The following SMARCAD1 variants were observed in gnomAD, a reference collection of about 807,000 sequenced individuals.
SMARCAD1 encodes SWI/SNF-related matrix-associated actin-dependent regulator of chromatin subfamily A containing DEAD/H box 1.
SMARCAD1 carries 25 observed loss-of-function variants against 127.1 expected under a neutral mutation model. The ratio of observed to expected loss-of-function variants is 0.20; its 90% CI spans 0.14 to 0.27. The LOEUF (loss-of-function observed/expected upper bound fraction) is 0.27. Among genes scored for constraint, SMARCAD1 ranks in the 10% least tolerant of loss-of-function variants. The pLI is 1.00. For synonymous variants in SMARCAD1, 400 were observed against 396.9 expected (o/e 1.01, Z -0.09); for missense variants, 807 against 1,206.0 (o/e 0.67, Z 4.90).
chr4:94,278,678 G>A lies in SMARCAD1; in HGVS notation c.2241G>A (p.Gln747=), dbSNP rs149382511. 22 of 1,613,856 alleles carry A rather than the reference G, an allele frequency of 1.4e-5. No individual in the cohort carries two copies. In the African/African-American group the frequency reaches 2.4e-4, roughly 18 times the overall value. ...RIELCAMSEK[Q]EQLYLGLFNR... is the part of the protein sequence containing the mutation. ...AGTTGTGTGCAATGTCGGAGAAGCA[G>A]GAGCAACTCTATTTGGGTCTTTTCA... Residue 747 remains glutamine (Q), a synonymous_variant, in exon 18 of 24, where the codon CAG becomes CAA. Coordinates refer to ENST00000354268, the MANE Select transcript of SMARCAD1 (RefSeq NM_020159.5).
intron 12 of SMARCAD1, 138 bp downstream of exon 12, chr4:94,273,854 T>A (rs990905923): frequency 5.8e-6 from 4 of 691,946 alleles, no homozygotes; most frequent in Non-Finnish European, 1.0e-5. Flanking sequence ...TATGGTCTCT[T>A]TATACTTTTC....
intron 2 of SMARCAD1, among the ~76,000 whole-genome samples, chr4:94,216,587 A>T (rs1241441950): frequency 6.6e-6 from 1 of 152,176 alleles, no homozygotes; most frequent in Non-Finnish European, 1.5e-5. Flanking sequence ...GTGAAACTGA[A>T]ACTCTTTATG....
intron 9 of SMARCAD1, among the ~76,000 whole-genome samples, chr4:94,255,454 TTGAA>T (rs1396789871): frequency 1.3e-5 from 2 of 151,988 alleles, no homozygotes; most frequent in African/African-American, 2.4e-5. Context: ...TAAAAGTAAT[TTGAA>T]TGTGAAAATT....
rs1325228347 is a variant in SMARCAD1 at position 94,284,282 on chromosome 4, G to A, written c.2910-678G>A. Among the ~76,000 whole-genome samples, 9 of 117,116 alleles carry A rather than the reference G, an allele frequency of 7.7e-5. No homozygotes were observed. In the East Asian group the frequency reaches 7.9e-4, roughly 10 times the overall value. The allele number at this position is 117,116 out of a possible 152,430, so 76.8% of individuals were successfully genotyped here. A position where few individuals can be genotyped will look rare whatever the true frequency, so the allele number is the denominator to read the frequency against. ...GCGGAGCTTGCAGTGAGCCGCGATCGCACCACTGCACTCCAGCCTGGGTGA... is the reference window on the plus strand; with the variant it reads ...GCGGAGCTTGCAGTGAGCCGCGATCACACCACTGCACTCCAGCCTGGGTGA... On this transcript the variant is annotated intron_variant, in intron 22 of 23. Coordinates refer to ENST00000354268, the MANE Select transcript of SMARCAD1 (RefSeq NM_020159.5).
At chr4:94,221,842 A>G (rs1744188698) in intron 2 of SMARCAD1, among the ~76,000 whole-genome samples, 1 of 152,194 alleles carries the variant, frequency 6.6e-6, no homozygotes, top group Non-Finnish European at 1.5e-5. Flanking sequence ...GATCTACCCG[A>G]GAGAAATCAG....
intron 9 of SMARCAD1, 168 bp downstream of exon 9, chr4:94,253,175 AT>A: frequency 6.6e-7 from 1 of 1,504,792 alleles, no homozygotes; most frequent in East Asian, 2.4e-5. Flanking sequence ...AAATAGTGTC[AT>A]ATGACCTAAT....
intron 9 of SMARCAD1, among the ~76,000 whole-genome samples, chr4:94,263,678 ATTAC>A (rs1337475561): frequency 6.6e-6 from 1 of 152,028 alleles, no homozygotes; most frequent in Non-Finnish European, 1.5e-5. Context: ...GATCACAGTG[ATTAC>A]TTAGAGTTGT....
At chr4:94,276,908 A>G in intron 15 of SMARCAD1, 114 bp from the exon 16 acceptor site, 1 of 1,079,036 alleles carries the variant, frequency 9.3e-7, no homozygotes, top group Non-Finnish European at 1.4e-6. Context: ...ATGTTAAATT[A>G]TTAATAATGG....
intron 11 of SMARCAD1, among the ~76,000 whole-genome samples, chr4:94,273,061 G>A (rs771851922): frequency 3.3e-5 from 5 of 151,984 alleles, no homozygotes; most frequent in East Asian, 3.9e-4. Context: ...CCACCTCAGC[G>A]TCCCCAAGTT....
chr4:94,283,368 A>G (rs1039156866), intron 22 of SMARCAD1, 65 bp downstream of exon 22: 9 of 1,506,772 alleles, frequency 6.0e-6, no homozygotes, highest in African/African-American at 1.4e-5. Flanking sequence ...AGACCATTAG[A>G]ATATAGTGTT....
rs1349376154 is a variant in SMARCAD1 at position 94,253,049 on chromosome 4, A to G, written c.1281+42A>G. On this transcript the variant is annotated intron_variant, in intron 9 of 23. Transcript: ENST00000354268. ...TTTTTCCCCTTGTATGTGTGTGTGT[A>G]TTTAATTCACAGTACCGGTTATAGT... is the stretch of plus-strand genomic sequence containing the variant. The G allele has an allele frequency of 3.1e-6, 5 of 1,603,782 alleles. No homozygotes were observed. The South Asian group carries it at 4.4e-5, about 14-fold the overall frequency.
intron 3 of SMARCAD1, among the ~76,000 whole-genome samples, chr4:94,231,790 G>A (rs924229973): frequency 2.0e-5 from 3 of 151,828 alleles, no homozygotes; most frequent in African/African-American, 7.3e-5. Context: ...TGTTAATCTA[G>A]AATGGGCCAC....
chr4:94,290,776 TTTA>T lies in SMARCAD1; in HGVS notation c.*1247_*1249del, dbSNP rs1321404216. 1 of 428,918 alleles carries T rather than the reference TTTA, an allele frequency of 2.3e-6. No individual in the cohort carries two copies. Among genetic ancestry groups the T allele is most frequent in the Non-Finnish European group, 4.6e-6 (1 of 218,002 alleles). 26.6% of individuals were successfully genotyped at this position (428,918 alleles called of 1,614,324 possible). A position where few individuals can be genotyped will look rare whatever the true frequency, so the allele number is the denominator to read the frequency against. On this transcript the variant is annotated 3_prime_UTR_variant, in exon 24 of 24. Transcript: ENST00000354268. Reference sequence around the variant, plus strand: ...ACTTGTGAGTTCCATGTGTTTTGTTTTTATTATGTAAATATCATTATAAATAAA... The same window carrying T: ...ACTTGTGAGTTCCATGTGTTTTGTTTTTATGTAAATATCATTATAAATAAA...
chr4:94,249,173 A>G (rs1240751891), intron 6 of SMARCAD1, among the ~76,000 whole-genome samples: 1 of 152,132 alleles, frequency 6.6e-6, no homozygotes, highest in African/African-American at 2.4e-5. Context: ...TTTCAGTTTT[A>G]TGTTGTGACT....
intron 11 of SMARCAD1, 66 bp from the exon 12 acceptor site, chr4:94,273,551 T>C: frequency 1.7e-6 from 2 of 1,172,482 alleles, no homozygotes; most frequent in Middle Eastern, 2.3e-4. Context: ...CTTTTTCTTC[T>C]GTATTTTTAT....
chr4:94,234,221 T>TA (rs1746286688), intron 4 of SMARCAD1, 99 bp downstream of exon 4: 1 of 1,101,294 alleles, frequency 9.1e-7, no homozygotes, highest in Admixed American at 2.2e-5. Flanking sequence ...AAAGATATCT[T>TA]ACGTTTGAAG....
At chr4:94,245,936 A>G (rs28522293) in intron 6 of SMARCAD1, among the ~76,000 whole-genome samples, 86,441 of 151,508 alleles carry the variant, frequency 0.57, 24,798 homozygotes, top group East Asian at 0.72. Context: ...AAAACTCTCT[A>G]AAACGATTTT....
rs1269554414 is a variant in SMARCAD1, at chr4:94,290,297, C to T, written c.*763C>T. The T allele has an allele frequency of 2.2e-6, 1 of 454,352 alleles. No homozygotes were observed. Among genetic ancestry groups the T allele is most frequent in the African/African-American group, 2.0e-5 (1 of 49,990 alleles). The allele number at this position is 454,352 out of a possible 1,614,324, so 28.1% of individuals were successfully genotyped here. A position where few individuals can be genotyped will look rare whatever the true frequency, so the allele number is the denominator to read the frequency against. Reference sequence around the variant, plus strand: ...CTTGTGCATGTTTTCATTGATTTCCCTCTCCCGGCTTTTGCTTCTCTTGAA... The same window carrying T: ...CTTGTGCATGTTTTCATTGATTTCCTTCTCCCGGCTTTTGCTTCTCTTGAA... On this transcript the variant is annotated 3_prime_UTR_variant, in exon 24 of 24. Coordinates refer to ENST00000354268, the MANE Select transcript of SMARCAD1 (RefSeq NM_020159.5).
intron 2 of SMARCAD1, among the ~76,000 whole-genome samples, chr4:94,214,341 C>T (rs1742798337): frequency 6.7e-6 from 1 of 149,676 alleles, no homozygotes; most frequent in Non-Finnish European, 1.5e-5. Context: ...CAACTCACTG[C>T]AATCTCTGCT....
Sources: allele counts gnomAD v4.1 joint callset (sites outside exome capture counted in the v4.1 genomes callset), GRCh38; gene constraint gnomAD v4.1.1; transcripts MANE v1.5; gene names NCBI Gene and HGNC (gene_info 2026-07-23, HGNC 2026-07-21).